The following PBRM1 variants were observed in gnomAD, a reference collection of about 807,000 sequenced individuals.
PBRM1 encodes polybromo 1, also known as protein polybromo-1.
Under a neutral mutation model 194.5 loss-of-function variants are expected in PBRM1, and 27 were observed. That is an observed-to-expected ratio of 0.14 (90% CI 0.10 to 0.19). PBRM1 has a LOEUF of 0.19. PBRM1 is among the 10% of genes least tolerant of loss of function. The pLI, the probability that PBRM1 is intolerant of heterozygous loss-of-function variation, is 1.00. For missense variants in PBRM1, 1,466 were observed against 2,077.2 expected (o/e 0.71, Z 5.72); for synonymous variants, 655 against 693.2 (o/e 0.94, Z 0.87).
chr3:52,639,273 G>A (rs1301455390), intron 10 of PBRM1, among the ~76,000 whole-genome samples: 1 of 152,004 alleles, frequency 6.6e-6, no homozygotes. Flanking sequence ...ACCAAGCCTG[G>A]CCTTATTCAC....
chr3:52,678,358 TACTAAAG>T (rs1051280280), intron 2 of PBRM1, 135 bp downstream of exon 3: 74 of 573,466 alleles, frequency 1.3e-4, no homozygotes, highest in Middle Eastern at 2.7e-4. Flanking sequence ...ACAGCTTGAT[TACTAAAG>T]ACTAAAGACT....
downstream of PBRM1, chr3:52,547,077 T>C: frequency 4.3e-6 from 1 of 233,270 alleles, no homozygotes. Context: ...CATGTTAGGT[T>C]AGGTGTTATG....
At chr3:52,557,520 T>C (rs918358299) in intron 26 of PBRM1, among the ~76,000 whole-genome samples, 4 of 152,124 alleles carry the variant, frequency 2.6e-5, no homozygotes, top group Admixed American at 1.3e-4. Flanking sequence ...ATTGGAGACA[T>C]GTCAGACAAA....
intron 26 of PBRM1, among the ~76,000 whole-genome samples, chr3:52,557,807 G>A (rs1003486502): frequency 2.6e-5 from 4 of 152,118 alleles, no homozygotes; most frequent in South Asian, 2.1e-4. Context: ...CCTTTTAAAC[G>A]GTCAGTCTTT....
intron 2 of PBRM1, among the ~76,000 whole-genome samples, chr3:52,674,109 T>C (rs1346338025): frequency 6.6e-6 from 1 of 151,246 alleles, no homozygotes; most frequent in Non-Finnish European, 1.5e-5. Context: ...AATTAGAGAA[T>C]AGAAAAACAA....
chr3:52,618,584 T>C (rs2095096828), intron 13 of PBRM1, among the ~76,000 whole-genome samples: 3 of 149,734 alleles, frequency 2.0e-5, no homozygotes. Flanking sequence ...AAATGACTTA[T>C]GACTTAGTTT....
Position 52,609,966 on chromosome 3 carries a change from ATATT to A in PBRM1, c.1925-15_1925-12del, listed in dbSNP as rs775647635. On this transcript the variant is annotated splice_polypyrimidine_tract_variant and intron_variant, in intron 15 of 29. Coordinates refer to ENST00000296302, the Ensembl canonical transcript of PBRM1. The surrounding 1 kb of genome is among the most constrained non-coding windows in gnomAD (Gnocchi z 4.1). ...TGCCACTCTTCCTACCTAAAGAGAG[ATATT>A]TAATGTTAAATGAATAAAATAAATG... 3.5e-6 allele frequency: 5 copies of A among 1,430,010 alleles called. No homozygotes were observed. In the South Asian group the frequency reaches 7.7e-5, roughly 22 times the overall value. 88.6% of individuals were successfully genotyped at this position (1,430,010 alleles called of 1,614,324 possible). A position where few individuals can be genotyped will look rare whatever the true frequency, so the allele number is the denominator to read the frequency against.
In PBRM1 at chr3:52,594,621, T is replaced by TG. The variant is rs1391347768; in HGVS notation, c.2780-5367dup. ...GTATTGATATGTATGGATCTGATCT[T>TG]GTCATTGTGTTGTTAGCTGGAAGCA... On this transcript the variant is annotated intron_variant, in intron 17 of 29. Transcript: ENST00000296302. Among the ~76,000 whole-genome samples the TG allele has an allele frequency of 2.6e-4, 40 of 152,310 alleles. 1 individual carries two copies. Among genetic ancestry groups the TG allele is most frequent in the South Asian group, 8.3e-4 (4 of 4,832 alleles).
intron 10 of PBRM1, 93 bp downstream of exon 11, chr3:52,641,861 A>G: frequency 1.2e-6 from 1 of 822,406 alleles, no homozygotes; most frequent in Non-Finnish European, 2.2e-6. Flanking sequence ...TTCCCAAACC[A>G]GCAAACCCTA....
chr3:52,674,695 C>T (rs2097056691), intron 2 of PBRM1, among the ~76,000 whole-genome samples: 1 of 146,040 alleles, frequency 6.8e-6, no homozygotes, highest in Non-Finnish European at 1.5e-5. Flanking sequence ...TATCTCCTTA[C>T]CTAACATTAC....
chr3:52,566,850 C>T (rs2085372094), intron 22 of PBRM1, among the ~76,000 whole-genome samples: 1 of 152,106 alleles, frequency 6.6e-6, no homozygotes, highest in Non-Finnish European at 1.5e-5. Flanking sequence ...GGGCGGATCA[C>T]CTGAGGTCAG....
chr3:52,576,768 G>A (rs886892983), intron 21 of PBRM1, 70 bp from the exon 24 acceptor site: 28 of 1,243,654 alleles, frequency 2.3e-5, no homozygotes, highest in East Asian at 1.5e-4. Flanking sequence ...AACAAAAATC[G>A]CATTAACCAA....
At chr3:52,589,431 T>C (rs2092787428) in intron 17 of PBRM1, among the ~76,000 whole-genome samples, 176 bp from the exon 20 acceptor site, 1 of 152,230 alleles carries the variant, frequency 6.6e-6, no homozygotes, top group African/African-American at 2.4e-5. Context: ...TAATAGCCTC[T>C]ACTCAAAACT....
At chr3:52,569,454 C>T (rs2086363948) in intron 22 of PBRM1, among the ~76,000 whole-genome samples, 2 of 152,168 alleles carry the variant, frequency 1.3e-5, no homozygotes, top group Non-Finnish European at 1.5e-5. Context: ...TCGTGATCCG[C>T]CCGCCTTGGC....
chr3:52,677,958 T>C (rs67539070), intron 2 of PBRM1, among the ~76,000 whole-genome samples: 51,982 of 151,868 alleles, frequency 0.34, 9,908 homozygotes, highest in Admixed American at 0.46. Context: ...AGCCTCAAAT[T>C]CCCAGGCTCA....
intron 2 of PBRM1, among the ~76,000 whole-genome samples, chr3:52,669,904 G>T (rs2096913263): frequency 6.6e-6 from 1 of 152,072 alleles, no homozygotes; most frequent in African/African-American, 2.4e-5. Context: ...ACTTATATGG[G>T]AACTCTTTTC....
chr3:52,679,704 G>A (rs2154067601), exon 1 of PBRM1: 1 of 1,613,208 alleles, frequency 6.2e-7, no homozygotes, highest in East Asian at 2.2e-5. Context: ...TCTTCTCTTG[G>A]AACCCATGGA....
At chr3:52,586,481 TCTC>T in exon 20 of PBRM1, 1 of 1,614,130 alleles carries the variant, frequency 6.2e-7, no homozygotes, top group Non-Finnish European at 8.5e-7. Context: ...TCTGTATTCT[TCTC>T]ATCATCACCT....
chr3:52,679,103 C>T (rs2097160543), intron 1 of PBRM1, among the ~76,000 whole-genome samples: 1 of 152,214 alleles, frequency 6.6e-6, no homozygotes, highest in Non-Finnish European at 1.5e-5. Context: ...CCTGACCCAA[C>T]CCCTCTGCAC....
Sources: allele counts gnomAD v4.1 joint callset (sites outside exome capture counted in the v4.1 genomes callset), GRCh38; gene constraint gnomAD v4.1.1; non-coding constraint Gnocchi (gnomAD v3.1); transcripts MANE v1.5; gene names NCBI Gene and HGNC (gene_info 2026-07-23, HGNC 2026-07-21).